Variants in PCDHA1 observed in about 807,000 individuals in gnomAD.
The protein encoded by PCDHA1 is protocadherin alpha 1, also known as protocadherin alpha-1.
PCDHA1 carries 42 observed loss-of-function variants against 61.3 expected under a neutral mutation model. That is an observed-to-expected ratio of 0.69 (90% CI 0.54 to 0.89). PCDHA1 has a LOEUF of 0.89. PCDHA1 is among the 40% of genes least tolerant of loss of function. The pLI is 0.00. For missense variants in PCDHA1, 1,256 were observed against 1,235.3 expected, an observed-to-expected ratio of 1.02 and a Z score of -0.25; for synonymous variants, 610 against 553.8, an observed-to-expected ratio of 1.10 and a Z score of -1.43.
intron 1 of PCDHA1, among the ~76,000 whole-genome samples, chr5:140,907,411 G>A (rs1053744231): frequency 8.5e-5 from 13 of 152,192 alleles, no homozygotes; most frequent in Admixed American, 2.6e-4. Flanking sequence ...GGAATACCAC[G>A]ATGGTGGATA....
chr5:140,807,310 C>G (rs1554123873), intron 1 of PCDHA1: 1 of 1,614,114 alleles, frequency 6.2e-7, no homozygotes, highest in South Asian at 1.1e-5. Flanking sequence ...AGGCCAAACA[C>G]GGCACCTTCG....
At chr5:140,835,811 T>G (rs2150245385) in intron 1 of PCDHA1, 44 of 1,612,792 alleles carry the variant, frequency 2.7e-5, no homozygotes, top group African/African-American at 9.3e-5. Flanking sequence ...ACATCTTCAC[T>G]GTGTCGGCGG....
intron 1 of PCDHA1, chr5:140,823,486 G>A: frequency 6.2e-7 from 1 of 1,613,254 alleles, no homozygotes; most frequent in Non-Finnish European, 8.5e-7. Flanking sequence ...TCGAGTGGGT[G>A]GCACCGGCGG....
intron 3 of PCDHA1, among the ~76,000 whole-genome samples, chr5:140,986,213 C>G (rs1554247816): frequency 6.6e-6 from 1 of 152,208 alleles, no homozygotes. Context: ...TTACTGGCCC[C>G]TTTCTCTAGC....
chr5:140,885,161 T>C (rs1554182019), intron 1 of PCDHA1, among the ~76,000 whole-genome samples: 1 of 151,600 alleles, frequency 6.6e-6, no homozygotes, highest in Non-Finnish European at 1.5e-5. Flanking sequence ...TTGTCTCTAC[T>C]TTTTTGTCCT....
chr5:140,927,513 C>G, intron 1 of PCDHA1: 1 of 1,614,062 alleles, frequency 6.2e-7, no homozygotes, highest in Non-Finnish European at 8.5e-7. Context: ...CAGCTCGGGA[C>G]GGCGGGCTAC....
At chr5:140,892,553 C>T (rs2063570808) in intron 1 of PCDHA1, among the ~76,000 whole-genome samples, 1 of 152,170 alleles carries the variant, frequency 6.6e-6, no homozygotes, top group South Asian at 2.1e-4. Flanking sequence ...TTTCTCTAGT[C>T]CTTGGAGACT....
intron 1 of PCDHA1, chr5:140,870,456 G>T (rs782212198): frequency 6.2e-7 from 1 of 1,614,230 alleles, no homozygotes. Context: ...ACGACAATGC[G>T]CCTGCGTTCG....
rs563548858 is a variant in PCDHA1, at chr5:140,795,345, C to A, written c.2394+6661C>A. ...TGGAAGTGGAGGTGAAGGACATTAA[C>A]GACAACCCGCCAATATTTCCAATGA... is the stretch of plus-strand genomic sequence containing the variant. On this transcript the variant is annotated intron_variant, in intron 1 of 3. Coordinates refer to ENST00000504120, the MANE Select transcript of PCDHA1 (RefSeq NM_018900.4). 1.4e-4 allele frequency: 233 copies of A among 1,614,068 alleles called. 1 individual carries two copies. The highest frequency in any genetic ancestry group is 1.8e-4 in the Admixed American group (11 of 59,998).
chr5:140,969,276 G>T, intron 1 of PCDHA1: 1 of 1,614,202 alleles, frequency 6.2e-7, no homozygotes, highest in Non-Finnish European at 8.5e-7. Context: ...GGCCAAAGTG[G>T]TCAGAATGCT....
At chr5:141,007,422 G>A (rs190866782) in intron 3 of PCDHA1, among the ~76,000 whole-genome samples, 22 of 143,640 alleles carry the variant, frequency 1.5e-4, no homozygotes, top group African/African-American at 4.9e-4. Context: ...AAAAAAATTA[G>A]CCAGGCATGG....
At chr5:140,999,444 C>A (rs782553983) in intron 3 of PCDHA1, among the ~76,000 whole-genome samples, 25 of 152,210 alleles carry the variant, frequency 1.6e-4, no homozygotes, top group Non-Finnish European at 3.1e-4. Flanking sequence ...GCCTCTTATT[C>A]GTTCAACGAA....
rs1554117850 is a variant in PCDHA1 at position 140,787,488 on chromosome 5, A to G, written c.1198A>G (p.Thr400Ala). Residue 400 changes from threonine (T) to alanine (A), a missense_variant, in exon 1 of 4, where the codon ACC becomes GCC. Coordinates refer to ENST00000504120, the MANE Select transcript of PCDHA1 (RefSeq NM_018900.4). ...CCACGTCCCCTTCAAGCTGGTGTCC[A>G]CCTTCAAGAATTACTACTCGTTGGT... is the stretch of plus-strand genomic sequence containing the variant. ...MPHVPFKLVS[T>A]FKNYYSLVLD... is the part of the protein sequence containing the mutation. 9.3e-6 allele frequency: 15 copies of G among 1,613,998 alleles called. No individual in the cohort carries two copies. Among genetic ancestry groups the G allele is most frequent in the Middle Eastern group, 1.6e-4 (1 of 6,078 alleles).
At chr5:140,836,178 G>A in intron 1 of PCDHA1, 1 of 1,613,826 alleles carries the variant, frequency 6.2e-7, no homozygotes, top group Non-Finnish European at 8.5e-7. Context: ...TGCAGTTGAC[G>A]CTGACTCAGG....
chr5:140,794,747 T>A, intron 1 of PCDHA1: 1 of 534,322 alleles, frequency 1.9e-6, no homozygotes, highest in Non-Finnish European at 3.2e-6. Flanking sequence ...ATCGACTAGT[T>A]TTAAATCTAC....
chr5:140,792,554 A>G (rs782769794), intron 1 of PCDHA1, among the ~76,000 whole-genome samples: 2 of 152,200 alleles, frequency 1.3e-5, no homozygotes. Context: ...ATAGTATTCT[A>G]TCTCCGGGGG....
chr5:140,872,667 A>G (rs2053828539), intron 1 of PCDHA1, among the ~76,000 whole-genome samples: 1 of 152,186 alleles, frequency 6.6e-6, no homozygotes, highest in African/African-American at 2.4e-5. Flanking sequence ...CAACTATTGG[A>G]TACTCAAACA....
At chr5:140,848,202 C>T in intron 1 of PCDHA1, 1 of 328,080 alleles carries the variant, frequency 3.0e-6, no homozygotes, top group South Asian at 5.4e-5. Flanking sequence ...TTTCAACAAT[C>T]ATTACTTAAG....
chr5:140,997,087 T>C (rs1218654416), intron 3 of PCDHA1, among the ~76,000 whole-genome samples: 4 of 152,156 alleles, frequency 2.6e-5, no homozygotes, highest in Non-Finnish European at 5.9e-5. Flanking sequence ...GAGTAGAAAG[T>C]GCAGAGTTCT....
Sources: gnomAD v4.1 joint callset for allele counts (sites outside exome capture counted in the v4.1 genomes callset) on GRCh38, gnomAD v4.1.1 for gene constraint, MANE v1.5 for transcripts, NCBI Gene and HGNC (gene_info 2026-07-23, HGNC 2026-07-21) for gene names.